ATP8A1: variants seen among roughly 807,000 people sequenced by gnomAD.
ATP8A1 encodes phospholipid-transporting ATPase IA.
ATP8A1 carries 90 observed loss-of-function variants against 177.7 expected under a neutral mutation model. The observed-to-expected ratio is 0.51, with a 90% CI of 0.43 to 0.60. The LOEUF (loss-of-function observed/expected upper bound fraction) is 0.60. Ranked by LOEUF, ATP8A1 falls within the 20% of genes least tolerant of loss-of-function variation. The pLI is 0.00. For missense variants in ATP8A1, 1,072 were observed against 1,392.8 expected (o/e 0.77, Z 3.67); for synonymous variants, 493 against 485.9 (o/e 1.01, Z -0.19).
chr4:42,446,506 T>G, intron 31 of ATP8A1, 77 bp downstream of exon 31: 2 of 1,465,894 alleles, frequency 1.4e-6, no homozygotes, highest in Non-Finnish European at 1.9e-6. Context: ...CATATCACGT[T>G]TAAATTTAAA....
At chr4:42,616,978 C>T (rs1325078654) in intron 4 of ATP8A1, among the ~76,000 whole-genome samples, 2 of 152,168 alleles carry the variant, frequency 1.3e-5, no homozygotes, top group African/African-American at 4.8e-5. Context: ...GTGTAACTAA[C>T]TCTGTTCGCT....
At chr4:42,625,535 T>C in intron 3 of ATP8A1, 79 bp downstream of exon 3, 1 of 925,896 alleles carries the variant, frequency 1.1e-6, no homozygotes, top group Non-Finnish European at 1.6e-6. Context: ...GGCATTTACA[T>C]AAACCTCAGG....
rs756079377 is a variant in ATP8A1, at chr4:42,555,998, T to C, written c.1383A>G (p.Ser461=). The change falls in exon 16 of 37, where the codon TCA becomes TCG. Residue 461 remains serine (S), a synonymous_variant. Transcript: ENST00000381668. ...QFGDEKTFSD[S]SLLENLQNNH... ...TATTTTGGAGATTTTCCAGCAATGA[T>C]GAATCACTAAATGTTTTTTCATCTC... The C allele has an allele frequency of 1.1e-5, 18 of 1,612,188 alleles. No homozygotes were observed. The South Asian group carries it at 1.5e-4, about 14-fold the overall frequency.
intron 33 of ATP8A1, among the ~76,000 whole-genome samples, chr4:42,435,842 C>A (rs1295778374): frequency 3.9e-5 from 6 of 152,210 alleles, no homozygotes; most frequent in Admixed American, 3.9e-4. Flanking sequence ...CTGGAACACC[C>A]ATTATAATCC....
At chr4:42,423,585 AT>A in intron 34 of ATP8A1, 31 bp downstream of exon 34, 1 of 1,463,148 alleles carries the variant, frequency 6.8e-7, no homozygotes, top group South Asian at 1.3e-5. Context: ...ATGCATCTAT[AT>A]TTCTCCGTAT....
chr4:42,464,390 T>C (rs1719503386), intron 27 of ATP8A1, among the ~76,000 whole-genome samples: 1 of 151,088 alleles, frequency 6.6e-6, no homozygotes. Context: ...CTTAGCCTCC[T>C]AGTAGCTGGA....
Position 42,624,642 on chromosome 4 carries a change from G to GAAAA in ATP8A1, c.265-12_265-9dup. 1.0e-6 allele frequency: 1 copy of GAAAA among 969,054 alleles called. No individual in the cohort carries two copies. The highest frequency in any genetic ancestry group is 1.4e-6 in the Non-Finnish European group (1 of 706,762). The allele number at this position is 969,054 out of a possible 1,614,324, so 60.0% of individuals were successfully genotyped here. ...TGACACATCAGGTATTTGCTGTTTG[G>GAAAA]AAAAAAAAAAAAAAGAGAAATCCAA... On this transcript the variant is annotated splice_polypyrimidine_tract_variant and intron_variant, in intron 3 of 36. Transcript: ENST00000381668.
Position 42,588,366 on chromosome 4 carries a change from C to A in ATP8A1, c.525-37G>T, listed in dbSNP as rs779164230. On this transcript the variant is annotated intron_variant, in intron 7 of 36. Coordinates refer to ENST00000381668, the MANE Select transcript of ATP8A1 (RefSeq NM_006095.2). ...AGTTGAGAAGCACAAAGATTTAGTG[C>A]GGGAAGAAAAGCATAATAATAACTT... The A allele has an allele frequency of 2.1e-5, 32 of 1,546,688 alleles. 1 individual carries two copies. In the South Asian group the frequency reaches 3.2e-4, roughly 15 times the overall value.
intron 19 of ATP8A1, among the ~76,000 whole-genome samples, chr4:42,548,498 G>C (rs1046702855): frequency 7.2e-5 from 11 of 152,150 alleles, no homozygotes; most frequent in African/African-American, 2.7e-4. Flanking sequence ...TGATCAAATT[G>C]GGGTGTTTGG....
chr4:42,514,536 A>G (rs575755636), intron 22 of ATP8A1, among the ~76,000 whole-genome samples: 5 of 152,356 alleles, frequency 3.3e-5, no homozygotes, highest in African/African-American at 1.2e-4. Context: ...TACATAGAGT[A>G]CATAGAGGCT....
At chr4:42,642,367 G>A (rs574662474) in intron 1 of ATP8A1, among the ~76,000 whole-genome samples, 1 of 152,304 alleles carries the variant, frequency 6.6e-6, no homozygotes, top group African/African-American at 2.4e-5. Context: ...GGGCAGTACT[G>A]AAGAACCCAC....
At chr4:42,555,139 A>ATCTTATCTATCTATCT (rs1553903246) in intron 16 of ATP8A1, among the ~76,000 whole-genome samples, 4 of 59,526 alleles carry the variant, frequency 6.7e-5, no homozygotes, top group Non-Finnish European at 1.4e-4. Flanking sequence ...CTATCTATCT[A>ATCTTATCTATCTATCT]ATCTATCTAT....
At chr4:42,446,794 C>T in intron 30 of ATP8A1, 150 bp from the exon 31 acceptor site, 1 of 639,480 alleles carries the variant, frequency 1.6e-6, no homozygotes, top group Non-Finnish European at 2.6e-6. Context: ...CAACCCCAAA[C>T]ACTCTTGAGT....
At chr4:42,517,119 G>T (rs1357874460) in intron 22 of ATP8A1, among the ~76,000 whole-genome samples, 2 of 150,982 alleles carry the variant, frequency 1.3e-5, no homozygotes, top group Non-Finnish European at 2.9e-5. Context: ...GGCCAACATG[G>T]TGAAACCCCG....
chr4:42,633,946 G>A (rs971311896), intron 1 of ATP8A1, among the ~76,000 whole-genome samples: 4 of 152,200 alleles, frequency 2.6e-5, no homozygotes, highest in Admixed American at 6.5e-5. Context: ...GGGAGAATGA[G>A]CTTGGCATTT....
chr4:42,552,689 T>A, intron 16 of ATP8A1, 79 bp from the exon 17 acceptor site: 1 of 1,059,032 alleles, frequency 9.4e-7, no homozygotes. Flanking sequence ...TTCATGTCTA[T>A]TAAGAACATA....
chr4:42,473,211 C>G (rs753463364), intron 25 of ATP8A1, among the ~76,000 whole-genome samples: 1 of 152,144 alleles, frequency 6.6e-6, no homozygotes, highest in Non-Finnish European at 1.5e-5. Flanking sequence ...TAAAGCTCTG[C>G]GGAAGAACAC....
intron 1 of ATP8A1, among the ~76,000 whole-genome samples, chr4:42,634,533 T>C (rs1739079691): frequency 6.6e-6 from 1 of 152,180 alleles, no homozygotes; most frequent in Non-Finnish European, 1.5e-5. Flanking sequence ...TGGTAATCAA[T>C]AATGTTTAAA....
At chr4:42,425,465 A>G (rs1714489075) in intron 33 of ATP8A1, among the ~76,000 whole-genome samples, 1 of 152,122 alleles carries the variant, frequency 6.6e-6, no homozygotes, top group South Asian at 2.1e-4. Flanking sequence ...AAAGCCTGTC[A>G]GTTTTTTTTT....
Sources: gnomAD v4.1 joint callset for allele counts (sites outside exome capture counted in the v4.1 genomes callset) on GRCh38, gnomAD v4.1.1 for gene constraint, MANE v1.5 for transcripts, NCBI Gene and HGNC (gene_info 2026-07-23, HGNC 2026-07-21) for gene names.